TBCEL: variants seen among roughly 807,000 people sequenced by gnomAD.
TBCEL encodes tubulin-specific chaperone cofactor E-like protein.
In TBCEL, 15 loss-of-function variants were observed where a neutral mutation model predicts 44.2. The ratio of observed to expected loss-of-function variants is 0.34; its 90% CI spans 0.23 to 0.52. The LOEUF (loss-of-function observed/expected upper bound fraction) is 0.52, where lower values mean the gene tolerates loss of function less well. Among genes scored for constraint, TBCEL ranks in the 20% least tolerant of loss-of-function variants. The pLI is 0.95. For missense variants in TBCEL, 319 were observed against 506.3 expected (o/e 0.63, Z 3.55); for synonymous variants, 171 against 185.4 (o/e 0.92, Z 0.63).
intron 4 of TBCEL, among the ~76,000 whole-genome samples, chr11:121,052,186 A>AT (rs1361651803): frequency 6.6e-6 from 1 of 151,776 alleles, no homozygotes; most frequent in Non-Finnish European, 1.5e-5. Flanking sequence ...TTATTAAATG[A>AT]TTTTTTGCCA....
At chr11:121,037,245 A>G (rs1945247588) in intron 2 of TBCEL, among the ~76,000 whole-genome samples, 1 of 152,264 alleles carries the variant, frequency 6.6e-6, no homozygotes, top group Non-Finnish European at 1.5e-5. Flanking sequence ...GGGATTTATC[A>G]GCTACACTTA....
At chr11:121,070,523 A>G (rs1324908145) in intron 8 of TBCEL, among the ~76,000 whole-genome samples, 1 of 152,244 alleles carries the variant, frequency 6.6e-6, no homozygotes, top group Non-Finnish European at 1.5e-5. Flanking sequence ...CTATGCAGCC[A>G]TAAAAAAGGA....
chr11:121,077,607 A>G (rs1171623554), intron 8 of TBCEL, among the ~76,000 whole-genome samples: 2 of 151,914 alleles, frequency 1.3e-5, no homozygotes, highest in Non-Finnish European at 2.9e-5. Flanking sequence ...TTTATTTGCT[A>G]TATTTCATTG....
rs202018474 is a variant in TBCEL, at chr11:121,041,944, A to G, written c.-17-3730A>G. Among the ~76,000 whole-genome samples, 37 of 152,072 alleles carry G rather than the reference A, an allele frequency of 2.4e-4. No homozygotes were observed. In the East Asian group the frequency reaches 6.9e-3, roughly 29 times the overall value. ...AAAAAAAAAAGAAGTCTTAAAAAAA[A>G]TCGTATTTGGAAGAGTTCTTACAGT... On this transcript the variant is annotated intron_variant, in intron 2 of 8. Transcript: ENST00000683345.
intron 1 of TBCEL, among the ~76,000 whole-genome samples, chr11:121,025,505 C>T (rs1396825356): frequency 2.6e-5 from 4 of 152,012 alleles, no homozygotes; most frequent in Admixed American, 2.6e-4. Context: ...GCAGTATTTA[C>T]CCTTATTATA....
chr11:121,044,178 G>A (rs754394374), intron 2 of TBCEL, among the ~76,000 whole-genome samples: 26 of 152,076 alleles, frequency 1.7e-4, no homozygotes, highest in Non-Finnish European at 3.1e-4. Flanking sequence ...AAGCTCTCAC[G>A]ATCTCTCTGC....
Position 121,053,689 on chromosome 11 carries a change from G to A in TBCEL, c.412G>A (p.Ala138Thr). The part of the protein sequence containing the change: ...VRKLVLNNSK[A>T]SWETVHMILQ... ...CAAACTTGTCCTCAACAACAGCAAAGCTTCTTGGGAGACGGTCCACATGAT... is the reference window on the plus strand; with the variant it reads ...CAAACTTGTCCTCAACAACAGCAAAACTTCTTGGGAGACGGTCCACATGAT... Residue 138 changes from alanine to threonine, a missense_variant, in exon 5 of 9, where the codon GCT becomes ACT. Transcript: ENST00000683345. The A allele has an allele frequency of 6.2e-7, 1 of 1,612,146 alleles. No homozygotes were observed. Among genetic ancestry groups the A allele is most frequent in the Non-Finnish European group, 8.5e-7 (1 of 1,178,862 alleles).
rs80063140 is a variant in TBCEL, at chr11:121,038,723, T to G, written c.-18+2111T>G. ...TGACCTCCCCCGACCCCCTGCAAAT[T>G]CAGGCAATACATTTCTCTTTTGTCT... On this transcript the variant is annotated intron_variant, in intron 2 of 8. Transcript: ENST00000683345. 7.2e-5 allele frequency among the ~76,000 whole-genome samples: 11 copies of G among 152,274 alleles called. No individual in the cohort carries two copies. In the East Asian group the frequency reaches 2.1e-3, roughly 29 times the overall value.
chr11:121,032,760 T>G (rs939884074), intron 1 of TBCEL, among the ~76,000 whole-genome samples: 8 of 152,200 alleles, frequency 5.3e-5, no homozygotes, highest in African/African-American at 1.9e-4. Flanking sequence ...TTGTTTATAT[T>G]TTGAGAGCTG....
At chr11:121,059,887 G>A in intron 7 of TBCEL, 82 bp from the exon 8 acceptor site, 1 of 945,984 alleles carries the variant, frequency 1.1e-6, no homozygotes, top group Non-Finnish European at 1.6e-6. Context: ...AATAAGACTG[G>A]GCCACAAGCC....
rs140402005 is a variant in TBCEL, at chr11:121,030,116, T to G, written c.-126+5825T>G. Among the ~76,000 whole-genome samples the G allele has an allele frequency of 8.5e-5, 13 of 152,254 alleles. No individual in the cohort carries two copies. The East Asian group carries it at 2.5e-3, about 29-fold the overall frequency. ...AGAGGGTGACATTTGTGTTTAAATT[T>G]GAGACTTAAACACTGAGATGAAGCA... is the stretch of plus-strand genomic sequence containing the variant. On this transcript the variant is annotated intron_variant, in intron 1 of 8. Coordinates refer to ENST00000683345, the MANE Select transcript of TBCEL (RefSeq NM_001363644.2).
intron 8 of TBCEL, among the ~76,000 whole-genome samples, chr11:121,082,545 G>A (rs1946144666): frequency 6.6e-6 from 1 of 152,164 alleles, no homozygotes; most frequent in Admixed American, 6.5e-5. Context: ...ACTTTATTTT[G>A]ATGGGTATTA....
chr11:121,059,942 T>A (rs1403040002), intron 7 of TBCEL, 27 bp from the exon 8 acceptor site: 1 of 1,492,558 alleles, frequency 6.7e-7, no homozygotes, highest in Non-Finnish European at 9.2e-7. Flanking sequence ...TCTTAAAAAA[T>A]GTCTTTATTT....
chr11:121,067,652 C>G (rs1052857798), intron 8 of TBCEL, among the ~76,000 whole-genome samples: 1 of 152,160 alleles, frequency 6.6e-6, no homozygotes, highest in Non-Finnish European at 1.5e-5. Context: ...GTCATCTGTG[C>G]CGTGTTTCTT....
intron 8 of TBCEL, among the ~76,000 whole-genome samples, chr11:121,073,665 A>G (rs1945978941): frequency 6.6e-6 from 1 of 151,894 alleles, no homozygotes; most frequent in African/African-American, 2.4e-5. Flanking sequence ...TCCTCACTTG[A>G]CAGGGAATGC....
intron 8 of TBCEL, among the ~76,000 whole-genome samples, chr11:121,085,040 AT>A (rs1946190618): frequency 6.7e-6 from 1 of 150,142 alleles, no homozygotes; most frequent in South Asian, 2.1e-4. Flanking sequence ...TATAATAATA[AT>A]TATTATTATT....
rs949698908 is a variant in TBCEL at position 121,048,537 on chromosome 11, G to T, written c.273+870G>T. On this transcript the variant is annotated intron_variant, in intron 4 of 8. Coordinates refer to ENST00000683345, the MANE Select transcript of TBCEL (RefSeq NM_001363644.2). ...GCCTTAATTTGGGCTCTTATTTTTT[G>T]ATTTGACTTTAGGAAGACTTTCCTA... 5.3e-5 allele frequency among the ~76,000 whole-genome samples: 8 copies of T among 151,860 alleles called. No individual in the cohort carries two copies. The East Asian group carries it at 5.8e-4, about 11-fold the overall frequency.
At position 121,055,044 on chromosome 11, in the gene TBCEL, C is replaced by A. The variant is rs538484115; in HGVS notation, c.456-8C>A. 19 of 1,452,476 alleles carry A rather than the reference C, an allele frequency of 1.3e-5. No individual in the cohort carries two copies. In the East Asian group the frequency reaches 3.4e-4, roughly 26 times the overall value. The allele number at this position is 1,452,476 out of a possible 1,614,324, so 90.0% of individuals were successfully genotyped here. A position where few individuals can be genotyped will look rare whatever the true frequency, so the allele number is the denominator to read the frequency against. ...TAAACAATGAAATATTTCCTTTTTT[C>A]TCTGCAGTTTGGAGGAGCTCTTCCT... On this transcript the variant is annotated splice_region_variant and splice_polypyrimidine_tract_variant and intron_variant, in intron 5 of 8. Coordinates refer to ENST00000683345, the MANE Select transcript of TBCEL (RefSeq NM_001363644.2).
chr11:121,047,150 A>C (rs931198578), intron 3 of TBCEL, among the ~76,000 whole-genome samples: 1 of 152,094 alleles, frequency 6.6e-6, no homozygotes, highest in Non-Finnish European at 1.5e-5. Context: ...AATTTCAAAA[A>C]GAAAGAATTG....
Sources: allele counts gnomAD v4.1 joint callset (sites outside exome capture counted in the v4.1 genomes callset), GRCh38; gene constraint gnomAD v4.1.1; transcripts MANE v1.5; gene names NCBI Gene and HGNC (gene_info 2026-07-23, HGNC 2026-07-21).